The following C16orf96 variants were observed in gnomAD, a reference collection of about 807,000 sequenced individuals.
C16orf96 encodes chromosome 16 open reading frame 96, also known as uncharacterized protein C16orf96.
In C16orf96, 108 loss-of-function variants were observed where a neutral mutation model predicts 103.6. The ratio of observed to expected loss-of-function variants is 1.04; its 90% confidence interval spans 0.89 to 1.22. The LOEUF is 1.22. Ranked by LOEUF, C16orf96 falls within the 50% of genes most tolerant of loss-of-function variation. C16orf96 has a pLI of 0.00. For synonymous variants in C16orf96, 566 were observed against 593.5 expected (o/e 0.95, Z 0.67); for missense variants, 1,586 against 1,464.2 (o/e 1.08, Z -1.36).
At chr16:4,567,127 T>C (rs1440771925) in intron 1 of C16orf96, among the ~76,000 whole-genome samples, 1 of 152,156 alleles carries the variant, frequency 6.6e-6, no homozygotes, top group East Asian at 1.9e-4. Context: ...TTTGTTAATA[T>C]AGTCACTTAC....
At chr16:4,538,963 A>C in the C16orf96 span, 2 of 152,270 alleles carry the variant, frequency 1.3e-5, no homozygotes, top group Non-Finnish European at 2.9e-5. Flanking sequence ...AGGCTGGAGA[A>C]TAGGGAAAGA....
At chr16:4,595,653 G>T (rs1897155087) in intron 14 of C16orf96, among the ~76,000 whole-genome samples, 1 of 152,126 alleles carries the variant, frequency 6.6e-6, no homozygotes, top group South Asian at 2.1e-4. Flanking sequence ...CCACAAGATG[G>T]CCGGGGCCTG....
intron 1 of C16orf96, among the ~76,000 whole-genome samples, chr16:4,567,379 G>A (rs1483387023): frequency 6.9e-6 from 1 of 144,704 alleles, no homozygotes. Context: ...AGACTCCTGG[G>A]TTCACGCCAT....
chr16:4,580,053 G>C lies in C16orf96; in HGVS notation c.2280G>C (p.Glu760Asp), dbSNP rs1425993222. 1.9e-6 allele frequency: 3 copies of C among 1,551,000 alleles called. No homozygotes were observed. Among genetic ancestry groups the C allele is most frequent in the Non-Finnish European group, 2.6e-6 (3 of 1,146,662 alleles). Residue 760 changes from glutamate to aspartate, a missense_variant, in exon 7 of 16, where the codon GAG becomes GAC. Physicochemically the swap from Glu to Asp is conservative, Grantham distance 45. Transcript: ENST00000444310. The part of the protein sequence containing the change: ...ELERIWGNQI[E>D]MMKDRYITLD... ...AGAGAATTTGGGGCAACCAAATAGAGATGATGAAGGATCGCTACATCACTT... is the reference window on the plus strand; with the variant it reads ...AGAGAATTTGGGGCAACCAAATAGACATGATGAAGGATCGCTACATCACTT...
At chr16:4,565,652 C>T (rs1567440530) in intron 1 of C16orf96, among the ~76,000 whole-genome samples, 1 of 152,180 alleles carries the variant, frequency 6.6e-6, no homozygotes, top group Non-Finnish European at 1.5e-5. Context: ...CCACACCCGG[C>T]TAATTTTTGT....
rs1266346536 is a variant in C16orf96 at position 4,578,908 on chromosome 16, C to A, written c.2156-32C>A. On this transcript the variant is annotated intron_variant, in intron 5 of 15. Coordinates refer to ENST00000444310, the MANE Select transcript of C16orf96 (RefSeq NM_001145011.2). ...ACAGAAACATCTTCCTCCATCCGAG[C>A]CCTCAGCAGCCACCCTGTCCTCTGC... 30 of 1,523,914 alleles carry A rather than the reference C, an allele frequency of 2.0e-5. No homozygotes were observed. In the East Asian group the frequency reaches 5.9e-4, roughly 30 times the overall value. 94.4% of individuals were successfully genotyped at this position (1,523,914 alleles called of 1,614,324 possible). A position where few individuals can be genotyped will look rare whatever the true frequency, so the allele number is the denominator to read the frequency against.
At chr16:4,571,730 T>G (rs2059440779) in intron 2 of C16orf96, 65 bp downstream of exon 2, 1 of 1,383,286 alleles carries the variant, frequency 7.2e-7, no homozygotes, top group Non-Finnish European at 1.0e-6. Context: ...GTTGGAGCAA[T>G]GAGGAAAATC....
chr16:4,599,627 C>T (rs979386969), intron 15 of C16orf96, among the ~76,000 whole-genome samples: 2 of 152,238 alleles, frequency 1.3e-5, no homozygotes. Flanking sequence ...AGGAACTGAG[C>T]TTCTCTGGTT....
chr16:4,555,698 C>CTTTTTTT (rs1166481480), upstream of C16orf96, among the ~76,000 whole-genome samples: 1 of 127,252 alleles, frequency 7.9e-6, no homozygotes, highest in Non-Finnish European at 1.7e-5. Flanking sequence ...CTTTTCTTTT[C>CTTTTTTT]TTTTTTTTTT....
chr16:4,593,947 A>G lies in C16orf96; in HGVS notation c.2868-404A>G, dbSNP rs934924. Among the ~76,000 whole-genome samples the G allele has an allele frequency of 0.17, 25,588 of 152,050 alleles. 2,321 individuals carry two copies. Among genetic ancestry groups the G allele is most frequent in the Middle Eastern group, 0.23 (67 of 294 alleles). On this transcript the variant is annotated intron_variant, in intron 12 of 15. Coordinates refer to ENST00000444310, the MANE Select transcript of C16orf96 (RefSeq NM_001145011.2). This position sits in a 1 kb window ranked among gnomAD's most constrained non-coding sequence, Gnocchi z 4.2. ...ATCCCACAGCTCTATGGATCTCCCC[A>G]GCCTCCAACCCTGCTGTGGGGACGT...
At chr16:4,563,678 C>G (rs1305316015) in intron 1 of C16orf96, among the ~76,000 whole-genome samples, 2 of 152,072 alleles carry the variant, frequency 1.3e-5, no homozygotes, top group African/African-American at 4.8e-5. Flanking sequence ...AAGCGATTCT[C>G]CTGCTTCAGC....
intron 8 of C16orf96, among the ~76,000 whole-genome samples, chr16:4,587,875 G>T (rs1016020296): frequency 6.6e-6 from 1 of 152,138 alleles, no homozygotes; most frequent in Non-Finnish European, 1.5e-5. Flanking sequence ...GGTGGAGGCT[G>T]CAGTGAGCTA....
chr16:4,538,941 C>G, the C16orf96 span: 23 of 152,364 alleles, frequency 1.5e-4, no homozygotes, highest in African/African-American at 5.5e-4. Flanking sequence ...GCCTGTTTGC[C>G]CAATGTACAC....
chr16:4,546,457 CTTTTT>C, the C16orf96 span, among the ~76,000 whole-genome samples: 6 of 104,546 alleles, frequency 5.7e-5, no homozygotes, highest in African/African-American at 1.8e-4. Context: ...CGCGCCCGGA[CTTTTT>C]TTTTTTTTTT....
upstream of C16orf96, among the ~76,000 whole-genome samples, chr16:4,551,782 G>A (rs922405118): frequency 4.6e-5 from 7 of 152,118 alleles, no homozygotes; most frequent in Non-Finnish European, 8.8e-5. Flanking sequence ...TGGGATACAT[G>A]TGCTGAATGT....
At chr16:4,588,701 C>CT (rs35941814) in intron 9 of C16orf96, among the ~76,000 whole-genome samples, 1,992 of 80,276 alleles carry the variant, frequency 0.025, 93 homozygotes, top group African/African-American at 0.075. Context: ...GCAGCAATGT[C>CT]TTTTTTTTTT....
At chr16:4,572,609 G>A (rs1596522668) in intron 2 of C16orf96, among the ~76,000 whole-genome samples, 1 of 152,096 alleles carries the variant, frequency 6.6e-6, no homozygotes, top group Non-Finnish European at 1.5e-5. Context: ...CAATACTGAC[G>A]TTTCTCAGTG....
rs1567457104 is a variant in C16orf96, at chr16:4,593,183, A to C, written c.2775-41A>C. 4.6e-6 allele frequency: 7 copies of C among 1,532,042 alleles called. No individual in the cohort carries two copies. Among genetic ancestry groups the C allele is most frequent in the Non-Finnish European group, 6.2e-6 (7 of 1,130,292 alleles). 94.9% of individuals were successfully genotyped at this position (1,532,042 alleles called of 1,614,324 possible). A position where few individuals can be genotyped will look rare whatever the true frequency, so the allele number is the denominator to read the frequency against. Reference sequence around the variant, plus strand: ...GAGACGAGCCCTCTGCTGGCCTAGCACGCCTCCCACAGCCCCTGCTGTGCC... The same window carrying C: ...GAGACGAGCCCTCTGCTGGCCTAGCCCGCCTCCCACAGCCCCTGCTGTGCC... On this transcript the variant is annotated intron_variant, in intron 11 of 15. Transcript: ENST00000444310. This position sits in a 1 kb window ranked among gnomAD's most constrained non-coding sequence, Gnocchi z 4.2.
intron 3 of C16orf96, 86 bp downstream of exon 3, chr16:4,574,875 A>G (rs1412088967): frequency 2.0e-6 from 3 of 1,521,558 alleles, no homozygotes; most frequent in African/African-American, 2.8e-5. Flanking sequence ...AGGGAGGTGC[A>G]AGGAGGAGAA....
Sources: allele counts gnomAD v4.1 joint callset (sites outside exome capture counted in the v4.1 genomes callset), GRCh38; gene constraint gnomAD v4.1.1; non-coding constraint Gnocchi (gnomAD v3.1); transcripts MANE v1.5; gene names NCBI Gene and HGNC (gene_info 2026-07-23, HGNC 2026-07-21).